ELP4: variants seen among roughly 807,000 people sequenced by gnomAD.
The protein encoded by ELP4 is elongator complex protein 4.
Under a neutral mutation model 48.9 loss-of-function variants are expected in ELP4, and 51 were observed. That is an observed-to-expected ratio of 1.04 (90% CI 0.83 to 1.32). The LOEUF (loss-of-function observed/expected upper bound fraction) is 1.32, where lower values mean the gene tolerates loss of function less well. Ranked by LOEUF, ELP4 falls within the 40% of genes most tolerant of loss-of-function variation. The pLI is 0.00. For missense variants in ELP4, 519 were observed against 514.6 expected, an observed-to-expected ratio of 1.01 and a Z score of -0.08; for synonymous variants, 210 against 189.2, an observed-to-expected ratio of 1.11 and a Z score of -0.90.
chr11:31,703,129 T>C (rs932032275), intron 9 of ELP4, among the ~76,000 whole-genome samples: 2 of 152,196 alleles, frequency 1.3e-5, no homozygotes, highest in Admixed American at 6.5e-5. Flanking sequence ...CTTGACTTGC[T>C]AAGCATGACA....
chr11:31,764,314 G>A (rs543068248), intron 9 of ELP4, among the ~76,000 whole-genome samples: 4 of 152,210 alleles, frequency 2.6e-5, no homozygotes, highest in Middle Eastern at 3.4e-3. Context: ...AGTCTCTGCC[G>A]ACCAGTATAA....
intron 9 of ELP4, among the ~76,000 whole-genome samples, chr11:31,754,540 T>C (rs939661029): frequency 1.3e-5 from 2 of 152,032 alleles, no homozygotes; most frequent in South Asian, 4.2e-4. Context: ...AATGACCTTC[T>C]CAGAAAGGCT....
rs1434312641 is a variant in ELP4, at chr11:31,638,505, C to G, written c.927+6100C>G. On this transcript the variant is annotated intron_variant, in intron 7 of 9. Transcript: ENST00000640961. ...GCTATCTCATTGAAGAAAACTATTA[C>G]CAGCATGTTAGCTTATACCAAGGAA... Among the ~76,000 whole-genome samples the G allele has an allele frequency of 2.0e-5, 3 of 151,826 alleles. No individual in the cohort carries two copies. In the East Asian group the frequency reaches 5.8e-4, roughly 29 times the overall value.
At chr11:31,606,097 G>A (rs755223603) in intron 5 of ELP4, among the ~76,000 whole-genome samples, 9 of 152,048 alleles carry the variant, frequency 5.9e-5, no homozygotes, top group Middle Eastern at 3.4e-3. Context: ...TAGCAGTTTC[G>A]CACAGAATAG....
At chr11:31,726,113 T>C (rs962655152) in intron 9 of ELP4, among the ~76,000 whole-genome samples, 8 of 152,186 alleles carry the variant, frequency 5.3e-5, no homozygotes, top group Non-Finnish European at 1.5e-5. Flanking sequence ...GGTTGAGATC[T>C]GGAAAATTGA....
chr11:31,729,592 G>A (rs1441436786), intron 9 of ELP4, among the ~76,000 whole-genome samples: 1 of 152,112 alleles, frequency 6.6e-6, no homozygotes, highest in Non-Finnish European at 1.5e-5. Context: ...CTGTATTAGT[G>A]GGAAAGCTTT....
At chr11:31,534,063 C>T (rs1189299092) in intron 2 of ELP4, among the ~76,000 whole-genome samples, 3 of 152,100 alleles carry the variant, frequency 2.0e-5, no homozygotes, top group Non-Finnish European at 2.9e-5. Context: ...GTCTCGATCT[C>T]CTGACCTCGT....
chr11:31,619,803 T>G (rs1944580529), intron 5 of ELP4, among the ~76,000 whole-genome samples: 1 of 151,960 alleles, frequency 6.6e-6, no homozygotes. Context: ...TTTTTCCTGA[T>G]CCTCTCCCTC....
intron 9 of ELP4, among the ~76,000 whole-genome samples, chr11:31,734,760 C>T (rs1042824713): frequency 2.0e-5 from 3 of 152,126 alleles, no homozygotes; most frequent in Non-Finnish European, 2.9e-5. Flanking sequence ...GATTGGAAGA[C>T]TTGATATTGT....
Position 31,509,922 on chromosome 11 carries a change from G to A in ELP4, c.138G>A (p.Leu46=), listed in dbSNP as rs1955949575. 6.2e-7 allele frequency: 1 copy of A among 1,613,938 alleles called. No homozygotes were observed. ...ASVTNDSGPR[L]VSIAGTRPSV... The stretch of plus-strand genomic sequence containing the variant: ...TGACCAACGACAGCGGCCCTCGACT[G>A]GTGTCCATTGCGGGCACGCGACCGT... Residue 46 remains leucine (L), a synonymous_variant, in exon 1 of 10, where the codon CTG becomes CTA. Coordinates refer to ENST00000640961, the MANE Select transcript of ELP4 (RefSeq NM_019040.5).
intron 9 of ELP4, among the ~76,000 whole-genome samples, chr11:31,751,936 T>C (rs1947730440): frequency 6.6e-6 from 1 of 152,156 alleles, no homozygotes; most frequent in African/African-American, 2.4e-5. Flanking sequence ...GTACAAAATC[T>C]ACATAACTTT....
chr11:31,633,136 A>ATTT (rs1944900059), intron 7 of ELP4: 1 of 152,156 alleles, frequency 6.6e-6, no homozygotes, highest in Non-Finnish European at 1.5e-5. Context: ...AGTAAATGTT[A>ATTT]AATGAATATT....
chr11:31,554,662 C>A (rs1956901955), intron 3 of ELP4, among the ~76,000 whole-genome samples: 1 of 152,044 alleles, frequency 6.6e-6, no homozygotes, highest in Non-Finnish European at 1.5e-5. Context: ...CTATACTGTA[C>A]ATTAGATCCT....
chr11:31,530,994 T>C (rs1158369891), intron 2 of ELP4, among the ~76,000 whole-genome samples: 3 of 152,206 alleles, frequency 2.0e-5, no homozygotes, highest in Non-Finnish European at 2.9e-5. Flanking sequence ...ATTATCATTT[T>C]TACTTGCCCA....
At chr11:31,713,966 G>A (rs1287989355) in intron 9 of ELP4, among the ~76,000 whole-genome samples, 1 of 152,110 alleles carries the variant, frequency 6.6e-6, no homozygotes, top group Non-Finnish European at 1.5e-5. Context: ...TGCTATATAA[G>A]TGCTTAGAGA....
At chr11:31,713,320 A>G (rs1946780215) in intron 9 of ELP4, among the ~76,000 whole-genome samples, 1 of 152,154 alleles carries the variant, frequency 6.6e-6, no homozygotes, top group Non-Finnish European at 1.5e-5. Context: ...GGTAAGTTTT[A>G]CTGTTGATTC....
At chr11:31,535,564 C>G (rs1355263416) in intron 2 of ELP4, among the ~76,000 whole-genome samples, 3 of 152,256 alleles carry the variant, frequency 2.0e-5, no homozygotes, top group Non-Finnish European at 4.4e-5. Flanking sequence ...AGGCTTGTCT[C>G]AAACTCCTCG....
At chr11:31,562,760 T>A (rs1957042826) in intron 3 of ELP4, among the ~76,000 whole-genome samples, 1 of 152,190 alleles carries the variant, frequency 6.6e-6, no homozygotes, top group South Asian at 2.1e-4. Context: ...TCACTAATAC[T>A]GGTTTTAAAA....
chr11:31,645,285 C>T (rs912863776), intron 7 of ELP4, among the ~76,000 whole-genome samples: 12 of 151,636 alleles, frequency 7.9e-5, no homozygotes, highest in Admixed American at 6.6e-4. Flanking sequence ...TTTTCCCTTT[C>T]GAAGTGGATA....
Sources: allele counts gnomAD v4.1 joint callset (sites outside exome capture counted in the v4.1 genomes callset), GRCh38; gene constraint gnomAD v4.1.1; transcripts MANE v1.5; gene names NCBI Gene and HGNC (gene_info 2026-07-23, HGNC 2026-07-21).